Variants in DACH1 observed in about 807,000 individuals in gnomAD.
The protein encoded by DACH1 is dachshund family transcription factor 1.
Under a neutral mutation model 54.2 loss-of-function variants are expected in DACH1, and 12 were observed. That is an observed-to-expected ratio of 0.22 (90% CI 0.14 to 0.36). The LOEUF (loss-of-function observed/expected upper bound fraction) is 0.36. Ranked by LOEUF, DACH1 falls within the 10% of genes least tolerant of loss-of-function variation. The pLI is 1.00. For synonymous variants in DACH1, 386 were observed against 366.2 expected, an observed-to-expected ratio of 1.05 and a Z score of -0.62; for missense variants, 805 against 929.8, an observed-to-expected ratio of 0.87 and a Z score of 1.75.
At chr13:71,511,247 C>A (rs769239794) in intron 6 of DACH1, among the ~76,000 whole-genome samples, 1 of 151,834 alleles carries the variant, frequency 6.6e-6, no homozygotes, top group Admixed American at 6.6e-5. Flanking sequence ...CTATTTATAA[C>A]CTTGTTATTG....
intron 1 of DACH1, among the ~76,000 whole-genome samples, chr13:71,864,633 A>T (rs1410436991): frequency 6.6e-6 from 1 of 151,758 alleles, no homozygotes; most frequent in African/African-American, 2.4e-5. Context: ...CCGGAATCTC[A>T]CTCTGAACTT....
chr13:71,859,591 C>A (rs1874224246), intron 1 of DACH1, among the ~76,000 whole-genome samples: 1 of 151,758 alleles, frequency 6.6e-6, no homozygotes, highest in Non-Finnish European at 1.5e-5. Context: ...TCATTAGCTG[C>A]CTAAAACTAG....
intron 10 of DACH1, among the ~76,000 whole-genome samples, chr13:71,473,665 T>C (rs1002839041): frequency 1.3e-5 from 2 of 152,182 alleles, no homozygotes; most frequent in Admixed American, 1.3e-4. Context: ...CTCTCATTTA[T>C]ATGCAGGACG....
intron 6 of DACH1, among the ~76,000 whole-genome samples, chr13:71,551,880 T>C (rs1008410522): frequency 6.6e-5 from 10 of 152,034 alleles, no homozygotes; most frequent in Non-Finnish European, 1.0e-4. Flanking sequence ...ATTACCAGTA[T>C]GAAAAGTTTT....
At chr13:71,567,744 G>C (rs1452994562) in intron 4 of DACH1, among the ~76,000 whole-genome samples, 1 of 151,976 alleles carries the variant, frequency 6.6e-6, no homozygotes, top group Non-Finnish European at 1.5e-5. Flanking sequence ...AGGTGATAAA[G>C]TCGAAATGCA....
In DACH1 at chr13:71,656,161, A is replaced by C. The variant is rs143017228; in HGVS notation, c.965-25444T>G. 1.3e-3 allele frequency among the ~76,000 whole-genome samples: 192 copies of C among 152,202 alleles called. 2 individuals carry two copies. In the East Asian group the frequency reaches 0.03, roughly 24 times the overall value. On this transcript the variant is annotated intron_variant, in intron 2 of 10. Coordinates refer to ENST00000613252, the MANE Select transcript of DACH1 (RefSeq NM_080759.6). ...TTCAGTCCAGTCCCACAAGATATTT[A>C]GCCATTGTTTTACATTGGTAAACTA...
chr13:71,448,945 C>T (rs556321328), intron 10 of DACH1, among the ~76,000 whole-genome samples: 3 of 151,672 alleles, frequency 2.0e-5, no homozygotes, highest in Admixed American at 1.3e-4. Context: ...TTTCCATTAG[C>T]ACTGGGTGCT....
intron 3 of DACH1, among the ~76,000 whole-genome samples, chr13:71,623,326 C>G (rs2138548824): frequency 6.6e-6 from 1 of 151,544 alleles, no homozygotes; most frequent in South Asian, 2.1e-4. Context: ...TATTAATATA[C>G]TCATATGACA....
At chr13:71,767,353 C>T (rs1050231394) in intron 1 of DACH1, among the ~76,000 whole-genome samples, 7 of 151,702 alleles carry the variant, frequency 4.6e-5, no homozygotes, top group African/African-American at 1.7e-4. Context: ...TTTCAAGGGG[C>T]GATTTGGTGG....
intron 1 of DACH1, among the ~76,000 whole-genome samples, chr13:71,850,350 A>G (rs1244718285): frequency 1.3e-5 from 2 of 152,170 alleles, no homozygotes; most frequent in African/African-American, 2.4e-5. Context: ...CTTCCATGCA[A>G]TCTTCCACTA....
intron 1 of DACH1, among the ~76,000 whole-genome samples, chr13:71,817,797 T>C (rs975254980): frequency 1.8e-4 from 26 of 146,046 alleles, no homozygotes; most frequent in Non-Finnish European, 3.4e-4. Context: ...ATATTTTCTT[T>C]CTTTCTTTCT....
intron 1 of DACH1, among the ~76,000 whole-genome samples, chr13:71,819,370 G>A (rs1283703888): frequency 6.6e-6 from 1 of 152,244 alleles, no homozygotes; most frequent in East Asian, 1.9e-4. Flanking sequence ...CTCCCAGAGA[G>A]CAAAGCCGAG....
intron 1 of DACH1, among the ~76,000 whole-genome samples, chr13:71,760,429 G>T (rs755010507): frequency 6.6e-6 from 1 of 152,116 alleles, no homozygotes; most frequent in Non-Finnish European, 1.5e-5. Flanking sequence ...TTCTCACTGC[G>T]CTCTGTATTC....
chr13:71,568,598 A>T (rs1885027894), intron 4 of DACH1, among the ~76,000 whole-genome samples: 1 of 152,030 alleles, frequency 6.6e-6, no homozygotes, highest in South Asian at 2.1e-4. Flanking sequence ...TTAAGGTAGA[A>T]GCTATTGAGA....
In DACH1 at chr13:71,569,063, C is replaced by T. The variant is rs539073087; in HGVS notation, c.1299+3777G>A. The stretch of plus-strand genomic sequence containing the variant: ...AGGCTTTAGCAGACTCTCTCATGAA[C>T]GCTTGCATGTAAAGCAAATAACAAT... On this transcript the variant is annotated intron_variant, in intron 4 of 10. Transcript: ENST00000613252. Among the ~76,000 whole-genome samples, 38 of 152,210 alleles carry T rather than the reference C, an allele frequency of 2.5e-4. 1 individual carries two copies. The highest frequency in any genetic ancestry group is 3.5e-4 in the Non-Finnish European group (24 of 67,970).
chr13:71,501,569 G>A (rs573938266), intron 6 of DACH1, among the ~76,000 whole-genome samples: 2 of 152,282 alleles, frequency 1.3e-5, no homozygotes, highest in Non-Finnish European at 2.9e-5. Context: ...TATGAGACAA[G>A]ATTTGCCTTG....
intron 5 of DACH1, among the ~76,000 whole-genome samples, chr13:71,558,673 G>T (rs1289923990): frequency 6.6e-6 from 1 of 151,808 alleles, no homozygotes. Context: ...TTTTAAAATT[G>T]TATATAAAGT....
chr13:71,715,415 T>C (rs1882922026), intron 1 of DACH1, among the ~76,000 whole-genome samples: 3 of 152,052 alleles, frequency 2.0e-5, no homozygotes, highest in African/African-American at 7.2e-5. Context: ...ATGTGAACAG[T>C]GAGCACAAAG....
intron 8 of DACH1, among the ~76,000 whole-genome samples, chr13:71,478,446 A>G (rs1173412315): frequency 1.3e-5 from 2 of 152,354 alleles, no homozygotes; most frequent in Non-Finnish European, 1.5e-5. Flanking sequence ...TTGGATATAT[A>G]TTAAATGCAT....
Sources: allele counts gnomAD v4.1 joint callset (sites outside exome capture counted in the v4.1 genomes callset), GRCh38; gene constraint gnomAD v4.1.1; transcripts MANE v1.5; gene names NCBI Gene and HGNC (gene_info 2026-07-23, HGNC 2026-07-21).